Variants in ZFR2 observed in about 807,000 individuals in gnomAD.
The protein encoded by ZFR2 is zinc finger RNA-binding protein 2.
Under a neutral mutation model 105.7 loss-of-function variants are expected in ZFR2, and 104 were observed. The observed-to-expected ratio is 0.98, with a 90% CI of 0.84 to 1.16. The LOEUF is 1.16. Among genes scored for constraint, ZFR2 ranks in the 50% most tolerant of loss-of-function variants. The pLI is 0.00. For synonymous variants in ZFR2, 634 were observed against 597.7 expected (o/e 1.06, Z -0.89); for missense variants, 1,425 against 1,355.5 (o/e 1.05, Z -0.80).
chr19:3,848,919 C>G (rs10415106), intron 1 of ZFR2, among the ~76,000 whole-genome samples: 2 of 151,806 alleles, frequency 1.3e-5, no homozygotes, highest in East Asian at 3.9e-4. Flanking sequence ...GCATGAACCC[C>G]GGAGGCGGAG....
chr19:3,806,967 C>G (rs923296602), intron 18 of ZFR2, among the ~76,000 whole-genome samples: 5 of 152,184 alleles, frequency 3.3e-5, no homozygotes, highest in Non-Finnish European at 7.3e-5. Context: ...GTGGCTTTGG[C>G]TCTCAGCTGC....
intron 1 of ZFR2, among the ~76,000 whole-genome samples, chr19:3,862,812 C>G (rs1351776388): frequency 6.6e-6 from 1 of 152,232 alleles, no homozygotes; most frequent in Non-Finnish European, 1.5e-5. Flanking sequence ...GTATTTCAGC[C>G]TTGCTGAGAA....
At chr19:3,808,309 G>A (rs1024836718) in intron 17 of ZFR2, among the ~76,000 whole-genome samples, 1 of 152,244 alleles carries the variant, frequency 6.6e-6, no homozygotes, top group Admixed American at 6.5e-5. Context: ...CCCAGGCAAT[G>A]GGCCGAAAGC....
At position 3,862,654 on chromosome 19, in the gene ZFR2, A is replaced by G. The variant is rs551740738; in HGVS notation, c.53+6311T>C. On this transcript the variant is annotated intron_variant, in intron 1 of 18. Transcript: ENST00000262961. The stretch of plus-strand genomic sequence containing the variant: ...AAATCAAAATCCACACTTCAAAAAC[A>G]TCCAATCTACCTAATTCCTTGTATA... Among the ~76,000 whole-genome samples, 20 of 152,328 alleles carry G rather than the reference A, an allele frequency of 1.3e-4. 1 individual carries two copies. In the South Asian group the frequency reaches 2.5e-3, roughly 19 times the overall value.
intron 1 of ZFR2, among the ~76,000 whole-genome samples, chr19:3,861,165 G>A (rs1433201432): frequency 6.6e-6 from 1 of 151,938 alleles, no homozygotes; most frequent in Non-Finnish European, 1.5e-5. Context: ...CGCCAACCGC[G>A]ACAAGTAAAC....
chr19:3,848,020 G>C (rs913112907), intron 1 of ZFR2, among the ~76,000 whole-genome samples: 4 of 152,224 alleles, frequency 2.6e-5, no homozygotes, highest in Non-Finnish European at 5.9e-5. Context: ...CAACAAGAGG[G>C]TATGATCGGC....
chr19:3,811,176 C>T (rs568501144), intron 15 of ZFR2, 96 bp downstream of exon 15: 60 of 1,247,704 alleles, frequency 4.8e-5, no homozygotes, highest in African/African-American at 1.5e-4. Context: ...TGGGAGCCCA[C>T]GGGGCTGAGG....
At chr19:3,816,285 G>A (rs1448554188) in intron 13 of ZFR2, among the ~76,000 whole-genome samples, 4 of 135,244 alleles carry the variant, frequency 3.0e-5, no homozygotes, top group Admixed American at 1.7e-4. Flanking sequence ...TCGCTCTGTC[G>A]CCCAGGCTGG....
At chr19:3,868,816 G>A (rs994321926) in intron 1 of ZFR2, 149 bp downstream of exon 1, 265 of 640,468 alleles carry the variant, frequency 4.1e-4, no homozygotes, top group Non-Finnish European at 5.7e-4. Flanking sequence ...TGCTTCTCCC[G>A]GCGCCGCGGC....
intron 7 of ZFR2, among the ~76,000 whole-genome samples, chr19:3,824,097 G>A (rs913892420): frequency 1.3e-5 from 2 of 152,178 alleles, no homozygotes; most frequent in East Asian, 1.9e-4. Flanking sequence ...AGGAGTTTCC[G>A]ACCAGCCCCA....
At position 3,813,843 on chromosome 19, in the gene ZFR2, C is replaced by A; in HGVS notation, c.2219G>T (p.Arg740Leu). 1 of 1,613,738 alleles carries A rather than the reference C, an allele frequency of 6.2e-7. No homozygotes were observed. The highest frequency in any genetic ancestry group is 8.5e-7 in the Non-Finnish European group (1 of 1,179,834). ...VTISVTSPLMREDPSTDPGVE... is the reference protein window; with the variant it reads ...VTISVTSPLMLEDPSTDPGVE... ...ACCTGGGTCTGTGGAGGGGTCCTCC[C>A]GCATCAGAGGTGAGGTGACAGATAT... Residue 740 changes from arginine (R) to leucine (L), a missense_variant, in exon 14 of 19, where the codon CGG becomes CTG. Physicochemically the swap from Arg to Leu is moderately radical, Grantham distance 102. Coordinates refer to ENST00000262961, the MANE Select transcript of ZFR2 (RefSeq NM_015174.2). The surrounding 1 kb of genome is among the most constrained non-coding windows in gnomAD (Gnocchi z 4.4).
At position 3,869,032 on chromosome 19, in the gene ZFR2, C is replaced by A. The variant is rs780605617; in HGVS notation, c.-15G>T. On this transcript the variant is annotated 5_prime_UTR_variant, in exon 1 of 19. Transcript: ENST00000262961. ...CTCGTCGCCATCTTGGCGTCTTCCC[C>A]GAGCCTGGCGGACCCGCGACGTCAC... The A allele has an allele frequency of 5.2e-6, 7 of 1,345,462 alleles. No homozygotes were observed. The highest frequency in any genetic ancestry group is 3.0e-5 in the African/African-American group (2 of 65,670). The allele number at this position is 1,345,462 out of a possible 1,614,324, so 83.3% of individuals were successfully genotyped here.
At chr19:3,828,608 G>A (rs1203478031) in intron 5 of ZFR2, among the ~76,000 whole-genome samples, 2 of 152,176 alleles carry the variant, frequency 1.3e-5, no homozygotes, top group African/African-American at 4.8e-5. Flanking sequence ...ACAGGCCTAC[G>A]CATCCGGTAC....
chr19:3,846,322 G>A (rs1209503221), intron 1 of ZFR2, among the ~76,000 whole-genome samples: 1 of 152,200 alleles, frequency 6.6e-6, no homozygotes, highest in Non-Finnish European at 1.5e-5. Context: ...AATCCACAGA[G>A]GCAGAACCCA....
At chr19:3,841,742 C>T (rs1273759756) in intron 1 of ZFR2, among the ~76,000 whole-genome samples, 1 of 151,818 alleles carries the variant, frequency 6.6e-6, no homozygotes, top group African/African-American at 2.4e-5. Flanking sequence ...GAGTTTGAGG[C>T]TGCAGTGAGC....
intron 12 of ZFR2, 78 bp downstream of exon 12, chr19:3,818,967 C>G (rs974581132): frequency 1.7e-5 from 26 of 1,512,324 alleles, no homozygotes; most frequent in Non-Finnish European, 2.2e-5. Context: ...GCTAGGGGTT[C>G]CTGCAGGGTC....
At chr19:3,824,436 C>T (rs1261597922) in intron 7 of ZFR2, among the ~76,000 whole-genome samples, 2 of 152,216 alleles carry the variant, frequency 1.3e-5, no homozygotes, top group South Asian at 2.1e-4. Flanking sequence ...GGGCTTTGCA[C>T]GCAGGGAAGG....
At position 3,855,351 on chromosome 19, in the gene ZFR2, G is replaced by C. The variant is rs75859041; in HGVS notation, c.53+13614C>G. Reference sequence around the variant, plus strand: ...CCTTCTGAGGCACCATTTTAAAGATGATATTGCTTTTGCGGGTTGCACTAT... The same window carrying C: ...CCTTCTGAGGCACCATTTTAAAGATCATATTGCTTTTGCGGGTTGCACTAT... On this transcript the variant is annotated intron_variant, in intron 1 of 18. Transcript: ENST00000262961. 3.6e-3 allele frequency: 4,430 copies of C among 1,230,664 alleles called. 30 individuals are homozygous for C. Among genetic ancestry groups the C allele is most frequent in the East Asian group, 0.034 (1,077 of 31,674 alleles). 76.2% of individuals were successfully genotyped at this position (1,230,664 alleles called of 1,614,324 possible).
chr19:3,834,732 C>T lies in ZFR2; in HGVS notation c.264+41G>A, dbSNP rs1218452719. The T allele has an allele frequency of 6.3e-7, 1 of 1,595,786 alleles. No individual in the cohort carries two copies. The highest frequency in any genetic ancestry group is 8.5e-7 in the Non-Finnish European group (1 of 1,171,312). ...CCGCTCTCACCCATGCAAGGCGACC[C>T]ACGTTTCCCGGCAACGCTGGTCAAA... is the stretch of plus-strand genomic sequence containing the variant. On this transcript the variant is annotated intron_variant, in intron 2 of 18. Coordinates refer to ENST00000262961, the MANE Select transcript of ZFR2 (RefSeq NM_015174.2). The surrounding 1 kb of genome is among the most constrained non-coding windows in gnomAD (Gnocchi z 5.3).
Sources: gnomAD v4.1 joint callset for allele counts (sites outside exome capture counted in the v4.1 genomes callset) on GRCh38, gnomAD v4.1.1 for gene constraint, Gnocchi (gnomAD v3.1) non-coding constraint, MANE v1.5 for transcripts, NCBI Gene and HGNC (gene_info 2026-07-23, HGNC 2026-07-21) for gene names.